The following SNTG2 variants were observed in gnomAD, a reference collection of about 807,000 sequenced individuals.
SNTG2 encodes the protein gamma-2-syntrophin.
A neutral mutation model predicts 70.9 loss-of-function variants in SNTG2; 74 were observed. That is an observed-to-expected ratio of 1.04 (90% CI 0.86 to 1.27). The LOEUF is 1.27. Ranked by LOEUF, SNTG2 falls within the 50% of genes most tolerant of loss-of-function variation. The pLI, the probability that SNTG2 is intolerant of heterozygous loss-of-function variation, is 0.00. For missense variants in SNTG2, 717 were observed against 690.7 expected, an observed-to-expected ratio of 1.04 and a Z score of -0.43; for synonymous variants, 278 against 273.8, an observed-to-expected ratio of 1.02 and a Z score of -0.15.
At chr2:1,221,437 G>GTCTCTGCCTCTGCCTA in intron 9 of SNTG2, among the ~76,000 whole-genome samples, 1 of 84,954 alleles carries the variant, frequency 1.2e-5, no homozygotes, top group Non-Finnish European at 2.4e-5. Context: ...GTCTCTCTCT[G>GTCTCTGCCTCTGCCTA]TCTCTGTCTC....
chr2:1,215,476 T>C (rs563043213), intron 9 of SNTG2, among the ~76,000 whole-genome samples: 3 of 152,306 alleles, frequency 2.0e-5, no homozygotes, highest in South Asian at 2.1e-4. Context: ...TTAATTCCAT[T>C]GTGATAGGTT....
intron 1 of SNTG2, among the ~76,000 whole-genome samples, chr2:1,050,478 T>A (rs920723900): frequency 4.7e-5 from 7 of 147,756 alleles, no homozygotes; most frequent in Non-Finnish European, 7.4e-5. Context: ...GAGTTGCATA[T>A]GTGGATTTTT....
chr2:966,966 C>CAAAAA (rs138414205), intron 1 of SNTG2, among the ~76,000 whole-genome samples: 1 of 147,356 alleles, frequency 6.8e-6, no homozygotes, highest in African/African-American at 2.5e-5. Flanking sequence ...AACAAACAAA[C>CAAAAA]AAAAAAACAA....
intron 1 of SNTG2, 81 bp from the exon 2 acceptor site, chr2:1,083,437 G>A: frequency 6.8e-7 from 1 of 1,468,686 alleles, no homozygotes; most frequent in Non-Finnish European, 9.5e-7. Context: ...ATTGTCTTGA[G>A]CAGGAGGCGT....
intron 14 of SNTG2, among the ~76,000 whole-genome samples, chr2:1,280,224 T>C (rs1572912999): frequency 6.6e-6 from 1 of 152,202 alleles, no homozygotes; most frequent in East Asian, 1.9e-4. Context: ...GGTGAAATAT[T>C]GAATAACATT....
In SNTG2 at chr2:1,094,941, C is replaced by T. The variant is rs868521775; in HGVS notation, c.211-3255C>T. ...AAGGGCTGGCTTCCTGGACTGCAGG[C>T]GAAGGCCTTATAGGTGTGTCCTCAT... On this transcript the variant is annotated intron_variant, in intron 2 of 16. Coordinates refer to ENST00000308624, the MANE Select transcript of SNTG2 (RefSeq NM_018968.4). Among the ~76,000 whole-genome samples the T allele has an allele frequency of 1.0e-4, 14 of 138,178 alleles. No homozygotes were observed. The East Asian group carries it at 2.0e-3, about 20-fold the overall frequency. 90.7% of individuals were successfully genotyped at this position (138,178 alleles called of 152,430 possible). A position where few individuals can be genotyped will look rare whatever the true frequency, so the allele number is the denominator to read the frequency against.
At chr2:1,281,831 C>G (rs1679561176) in intron 14 of SNTG2, among the ~76,000 whole-genome samples, 1 of 152,078 alleles carries the variant, frequency 6.6e-6, no homozygotes, top group African/African-American at 2.4e-5. Context: ...GGACACTGGC[C>G]CCACCCAGCA....
chr2:1,249,499 G>C (rs958192357), intron 12 of SNTG2, among the ~76,000 whole-genome samples: 1 of 152,198 alleles, frequency 6.6e-6, no homozygotes, highest in Non-Finnish European at 1.5e-5. Flanking sequence ...TGAAAATCCA[G>C]AGTGCAGGGA....
intron 1 of SNTG2, 59 bp downstream of exon 1, chr2:951,127 C>T (rs2147934900): frequency 1.3e-6 from 1 of 747,346 alleles, no homozygotes; most frequent in Non-Finnish European, 1.8e-6. Context: ...TCCTTCGCGC[C>T]CTTCTCCCCC....
intron 4 of SNTG2, among the ~76,000 whole-genome samples, chr2:1,101,164 C>G (rs79432033): frequency 0.012 from 1,903 of 152,320 alleles, 38 homozygotes; most frequent in African/African-American, 0.043. Flanking sequence ...CTCCCAGGCT[C>G]GCATTCTGTG....
intron 4 of SNTG2, 46 bp from the exon 5 acceptor site, chr2:1,137,576 C>T (rs1054618004): frequency 1.3e-6 from 2 of 1,599,730 alleles, no homozygotes; most frequent in Non-Finnish European, 8.5e-7. Flanking sequence ...CAAAGCATGT[C>T]ACTGAGATTT....
Position 951,059 on chromosome 2 carries a change from A to C in SNTG2, c.63A>C (p.Val21=). 1 of 1,271,866 alleles carries C rather than the reference A, an allele frequency of 7.9e-7. No individual in the cohort carries two copies. The highest frequency in any genetic ancestry group is 9.9e-7 in the Non-Finnish European group (1 of 1,011,928). The allele number at this position is 1,271,866 out of a possible 1,614,324, so 78.8% of individuals were successfully genotyped here. Residue 21 remains valine (V), a synonymous_variant, in exon 1 of 17, where the codon GTA becomes GTC. Transcript: ENST00000308624. ...GCGGACGCCAGGGCTGCCTGCTGGT[A>C]CCTGCGCGGGTGAGTGCGGCCCCTC... ...ASRGRQGCLL[V]PARTKTTIAL... is the part of the protein sequence containing the mutation.
At chr2:1,302,254 C>T (rs189276533) in intron 14 of SNTG2, among the ~76,000 whole-genome samples, 242 of 152,080 alleles carry the variant, frequency 1.6e-3, no homozygotes, top group African/African-American at 5.1e-3. Context: ...CCACCGCGCC[C>T]GGCCTGTGTT....
chr2:1,018,413 A>G (rs534199106), intron 1 of SNTG2, among the ~76,000 whole-genome samples: 2 of 152,186 alleles, frequency 1.3e-5, no homozygotes, highest in African/African-American at 4.8e-5. Flanking sequence ...CACTCCTGAG[A>G]CCATGGTGGG....
intron 16 of SNTG2, among the ~76,000 whole-genome samples, chr2:1,335,628 G>C (rs911100912): frequency 6.6e-6 from 1 of 152,086 alleles, no homozygotes; most frequent in African/African-American, 2.4e-5. Flanking sequence ...GGAGTCCTAC[G>C]AGTGAATTCC....
intron 9 of SNTG2, among the ~76,000 whole-genome samples, chr2:1,227,738 C>T (rs1301046837): frequency 1.3e-5 from 2 of 152,224 alleles, no homozygotes; most frequent in Non-Finnish European, 2.9e-5. Flanking sequence ...TGGAATTAAT[C>T]ATTTCCTCTG....
intron 16 of SNTG2, among the ~76,000 whole-genome samples, chr2:1,319,756 G>C (rs906420145): frequency 2.6e-5 from 4 of 152,204 alleles, no homozygotes; most frequent in Non-Finnish European, 4.4e-5. Flanking sequence ...TGGGTGATGG[G>C]TGACCGTGGG....
At chr2:1,228,447 G>C (rs900587978) in intron 9 of SNTG2, among the ~76,000 whole-genome samples, 2 of 152,170 alleles carry the variant, frequency 1.3e-5, no homozygotes, top group African/African-American at 4.8e-5. Flanking sequence ...CCACTGCCAT[G>C]GTCCATGCCT....
At chr2:1,079,194 A>G (rs993666853) in intron 1 of SNTG2, among the ~76,000 whole-genome samples, 44 of 152,164 alleles carry the variant, frequency 2.9e-4, no homozygotes, top group African/African-American at 1.0e-3. Flanking sequence ...CTGGTGAGTG[A>G]CCTGCTGTTA....
Sources: allele counts gnomAD v4.1 joint callset (sites outside exome capture counted in the v4.1 genomes callset), GRCh38; gene constraint gnomAD v4.1.1; transcripts MANE v1.5; gene names NCBI Gene and HGNC (gene_info 2026-07-23, HGNC 2026-07-21).